The following DPRX variants were observed in gnomAD, a reference collection of about 807,000 sequenced individuals.
DPRX encodes divergent paired-related homeobox.
In DPRX, 11 loss-of-function variants were observed where a neutral mutation model predicts 8.4. The ratio of observed to expected loss-of-function variants is 1.31; its 90% CI spans 0.82 to 2.17. The LOEUF is 2.17. Ranked by LOEUF, DPRX falls within the 30% of genes most tolerant of loss-of-function variation. DPRX has a pLI of 0.00. For synonymous variants in DPRX, 72 were observed against 87.0 expected (o/e 0.83, Z 0.96); for missense variants, 211 against 236.7 (o/e 0.89, Z 0.71).
At chr19:53,605,005 T>C in the DPRX span, among the ~76,000 whole-genome samples, 1 of 152,102 alleles carries the variant, frequency 6.6e-6, no homozygotes, top group East Asian at 1.9e-4. Flanking sequence ...TATGTACAAT[T>C]ATTGTGTTAA....
At chr19:53,618,615 TAAAAAAA>T in the DPRX span, among the ~76,000 whole-genome samples, 1 of 102,826 alleles carries the variant, frequency 9.7e-6, no homozygotes, top group Non-Finnish European at 1.9e-5. Context: ...ACCCCATCTC[TAAAAAAA>T]AAAAAAAAAA....
At chr19:53,626,645 G>A in the DPRX span, among the ~76,000 whole-genome samples, 1 of 152,180 alleles carries the variant, frequency 6.6e-6, no homozygotes, top group African/African-American at 2.4e-5. Flanking sequence ...CTCCTTCCCA[G>A]GACTGGTCTT....
chr19:53,620,278 C>T, the DPRX span, among the ~76,000 whole-genome samples: 6 of 151,838 alleles, frequency 4.0e-5, no homozygotes, highest in East Asian at 1.9e-4. Context: ...ACCATGTTAG[C>T]CAGGATGGTC....
At chr19:53,619,417 G>A in the DPRX span, among the ~76,000 whole-genome samples, 4 of 152,128 alleles carry the variant, frequency 2.6e-5, no homozygotes, top group Non-Finnish European at 5.9e-5. Context: ...GCTCACGCCT[G>A]TAATCCTAGC....
chr19:53,635,286 A>T (rs369193466), intron 2 of DPRX, among the ~76,000 whole-genome samples: 188 of 152,270 alleles, frequency 1.2e-3, no homozygotes, highest in African/African-American at 4.3e-3. Context: ...TCAGGATTAT[A>T]GGCATAAGCC....
intron 1 of DPRX, among the ~76,000 whole-genome samples, chr19:53,633,612 C>A (rs541041111): frequency 6.6e-6 from 1 of 152,080 alleles, no homozygotes; most frequent in Non-Finnish European, 1.5e-5. Flanking sequence ...GAGGTTCAAG[C>A]GATTCTCCTG....
At chr19:53,617,240 C>A in the DPRX span, 1 of 784,192 alleles carries the variant, frequency 1.3e-6, no homozygotes, top group Non-Finnish European at 2.3e-6. Flanking sequence ...AACTACCGGG[C>A]TCTCTGATGG....
the DPRX span, among the ~76,000 whole-genome samples, chr19:53,623,857 G>A: frequency 6.6e-6 from 1 of 151,394 alleles, no homozygotes; most frequent in Non-Finnish European, 1.5e-5. Context: ...GGCTGAGGGA[G>A]GAGAACCTCT....
the DPRX span, among the ~76,000 whole-genome samples, chr19:53,617,867 C>T: frequency 2.8e-4 from 42 of 152,156 alleles, no homozygotes; most frequent in East Asian, 5.8e-4. Flanking sequence ...AAGCCAGGCG[C>T]GGTGGCTCAC....
the DPRX span, among the ~76,000 whole-genome samples, chr19:53,601,661 T>C: frequency 1.3e-5 from 2 of 151,910 alleles, no homozygotes; most frequent in Admixed American, 6.6e-5. Context: ...TTTGTATTTT[T>C]AGTAGAACCG....
At chr19:53,629,540 C>G (rs1395691684), upstream of DPRX, among the ~76,000 whole-genome samples, 1 of 129,544 alleles carries the variant, frequency 7.7e-6, no homozygotes, top group Admixed American at 8.2e-5. Context: ...CTGTGTCCGG[C>G]CTATGATTTT....
At chr19:53,612,731 C>A in the DPRX span, among the ~76,000 whole-genome samples, 26 of 151,934 alleles carry the variant, frequency 1.7e-4, no homozygotes, top group Admixed American at 1.7e-3. Context: ...AAAAAAAAGA[C>A]CCCCTCTCTA....
At chr19:53,605,831 AC>A in the DPRX span, among the ~76,000 whole-genome samples, 2 of 150,602 alleles carry the variant, frequency 1.3e-5, no homozygotes, top group African/African-American at 4.9e-5. Context: ...TGCCTGGCTA[AC>A]TTTTTTTTTA....
At chr19:53,602,155 G>T in the DPRX span, 1 of 456,340 alleles carries the variant, frequency 2.2e-6, no homozygotes, top group South Asian at 1.6e-5. Context: ...AGCATGGACA[G>T]CAGGACAACT....
chr19:53,602,267 G>GGGGT, the DPRX span: 9 of 277,304 alleles, frequency 3.2e-5, no homozygotes, highest in East Asian at 1.1e-4. Context: ...TATGGGTATG[G>GGGGT]GTGTGTGTGT....
chr19:53,612,668 C>T, the DPRX span, among the ~76,000 whole-genome samples: 2 of 151,796 alleles, frequency 1.3e-5, no homozygotes, highest in Admixed American at 6.6e-5. Flanking sequence ...GATTGTGCCA[C>T]GGCATTCCAG....
chr19:53,626,127 G>A, the DPRX span, among the ~76,000 whole-genome samples: 1 of 152,086 alleles, frequency 6.6e-6, no homozygotes, highest in Admixed American at 6.6e-5. Flanking sequence ...TGGTACAGAC[G>A]AGACTTCACC....
the DPRX span, chr19:53,606,919 A>T: frequency 6.5e-6 from 1 of 152,700 alleles, no homozygotes; most frequent in East Asian, 1.9e-4. This position sits in a 1 kb window ranked among gnomAD's most constrained non-coding sequence, Gnocchi z 4.8. Context: ...CAAACCCCCG[A>T]TGAGACAGAA....
At chr19:53,617,323 C>T in the DPRX span, 29 of 586,186 alleles carry the variant, frequency 4.9e-5, no homozygotes, top group Admixed American at 1.7e-4. Context: ...CTTTGGGAGG[C>T]CGAGGCGAGC....
Sources: gnomAD v4.1 joint callset for allele counts (sites outside exome capture counted in the v4.1 genomes callset) on GRCh38, gnomAD v4.1.1 for gene constraint, Gnocchi (gnomAD v3.1) non-coding constraint, MANE v1.5 for transcripts, NCBI Gene and HGNC (gene_info 2026-07-23, HGNC 2026-07-21) for gene names.